Variants in ZCCHC7 observed in about 807,000 individuals in gnomAD.
ZCCHC7 encodes zinc finger CCHC-type containing 7, also known as zinc finger CCHC domain-containing protein 7.
In ZCCHC7, 35 loss-of-function variants were observed where a neutral mutation model predicts 52.0. That is an observed-to-expected ratio of 0.67 (90% CI 0.51 to 0.89). The LOEUF (loss-of-function observed/expected upper bound fraction) is 0.89, where lower values mean the gene tolerates loss of function less well. ZCCHC7 is among the 40% of genes least tolerant of loss of function. The pLI is 0.00. For missense variants in ZCCHC7, 574 were observed against 649.1 expected (o/e 0.88, Z 1.26); for synonymous variants, 217 against 221.5 (o/e 0.98, Z 0.18).
intron 1 of ZCCHC7, among the ~76,000 whole-genome samples, chr9:37,122,265 A>G (rs564379111): frequency 6.6e-5 from 10 of 152,380 alleles, no homozygotes; most frequent in African/African-American, 2.4e-4. Context: ...CTAGTTTAAA[A>G]CAATTCAGTC....
At chr9:37,128,544 A>G (rs913426218) in intron 2 of ZCCHC7, among the ~76,000 whole-genome samples, 3 of 152,192 alleles carry the variant, frequency 2.0e-5, no homozygotes, top group East Asian at 3.8e-4. Context: ...GAAAATGCAT[A>G]TTAGAAAGAA....
At chr9:37,232,846 TA>T (rs544457090) in intron 2 of ZCCHC7, among the ~76,000 whole-genome samples, 40 of 152,334 alleles carry the variant, frequency 2.6e-4, no homozygotes, top group African/African-American at 9.4e-4. Flanking sequence ...AGTGTAAATA[TA>T]TTTTTTTATA....
At chr9:37,353,232 A>C (rs1821500671) in intron 7 of ZCCHC7, among the ~76,000 whole-genome samples, 1 of 152,228 alleles carries the variant, frequency 6.6e-6, no homozygotes, top group African/African-American at 2.4e-5. Flanking sequence ...TGACTCAAGA[A>C]GAACAAATCA....
intron 2 of ZCCHC7, chr9:37,160,319 A>G (rs572044130): frequency 2.2e-4 from 34 of 152,340 alleles, no homozygotes; most frequent in African/African-American, 8.2e-4. Context: ...AGATCAGCCC[A>G]GGCAACATAG....
Position 37,357,372 on chromosome 9 carries a change from T to C in ZCCHC7, c.*104T>C. The C allele has an allele frequency of 8.5e-7, 1 of 1,180,536 alleles. No homozygotes were observed. The highest frequency in any genetic ancestry group is 1.1e-6 in the Non-Finnish European group (1 of 874,588). 73.1% of individuals were successfully genotyped at this position (1,180,536 alleles called of 1,614,324 possible). A position where few individuals can be genotyped will look rare whatever the true frequency, so the allele number is the denominator to read the frequency against. ...TATCTATGATTAAATAAAGTGAGTT[T>C]TTGGTTTTGTTTTTTTAATTTCAGC... On this transcript the variant is annotated 3_prime_UTR_variant, in exon 9 of 9. Coordinates refer to ENST00000336755, the MANE Select transcript of ZCCHC7 (RefSeq NM_032226.3).
At chr9:37,251,997 CAT>C (rs1418074331) in intron 2 of ZCCHC7, among the ~76,000 whole-genome samples, 1 of 152,062 alleles carries the variant, frequency 6.6e-6, no homozygotes, top group Non-Finnish European at 1.5e-5. Context: ...ATATATAAAA[CAT>C]AGACTTATTT....
chr9:37,165,969 T>C (rs1014242264), intron 2 of ZCCHC7, among the ~76,000 whole-genome samples: 2 of 152,248 alleles, frequency 1.3e-5, no homozygotes, highest in African/African-American at 4.8e-5. Context: ...ATTTTTTAAA[T>C]AGACATAGCT....
intron 2 of ZCCHC7, among the ~76,000 whole-genome samples, chr9:37,166,698 A>G (rs940611556): frequency 6.6e-5 from 10 of 152,178 alleles, no homozygotes; most frequent in African/African-American, 2.2e-4. Context: ...TCAATTTCCC[A>G]CTAAGTACTT....
chr9:37,209,242 G>A (rs996101139), intron 2 of ZCCHC7, among the ~76,000 whole-genome samples: 28 of 151,792 alleles, frequency 1.8e-4, no homozygotes, highest in Admixed American at 1.6e-3. Context: ...GGGTTTCACC[G>A]TGTTAGCCAG....
At chr9:37,146,106 A>T (rs1778361139) in intron 2 of ZCCHC7, among the ~76,000 whole-genome samples, 1 of 151,882 alleles carries the variant, frequency 6.6e-6, no homozygotes, top group Admixed American at 6.6e-5. Flanking sequence ...GAGTTGCTTC[A>T]TTTATCTCAG....
At chr9:37,194,180 C>A (rs190326154) in intron 2 of ZCCHC7, among the ~76,000 whole-genome samples, 1 of 152,188 alleles carries the variant, frequency 6.6e-6, no homozygotes, top group East Asian at 1.9e-4. Flanking sequence ...GGATAGTGGC[C>A]TTTAATATAT....
intron 6 of ZCCHC7, among the ~76,000 whole-genome samples, chr9:37,336,387 A>C (rs1830660661): frequency 6.6e-6 from 1 of 152,180 alleles, no homozygotes; most frequent in African/African-American, 2.4e-5. Context: ...TTGTAAAAGC[A>C]AAAGAACATT....
At chr9:37,215,684 C>T (rs1824465447) in intron 2 of ZCCHC7, among the ~76,000 whole-genome samples, 1 of 152,166 alleles carries the variant, frequency 6.6e-6, no homozygotes, top group South Asian at 2.1e-4. Flanking sequence ...TAATGTCTTG[C>T]TTCTTTATTT....
Position 37,129,353 on chromosome 9 carries a change from T to A in ZCCHC7, c.610+2411T>A, listed in dbSNP as rs188186698. On this transcript the variant is annotated intron_variant, in intron 2 of 8. Transcript: ENST00000336755. ...GCCAAATAGAATTAAATTCTGAATT[T>A]TTGGAAATTAATTTACTTGACTCTT... 4.1e-4 allele frequency among the ~76,000 whole-genome samples: 62 copies of A among 152,350 alleles called. No homozygotes were observed. The South Asian group carries it at 4.1e-3, about 10-fold the overall frequency.
chr9:37,280,882 C>T (rs1024298953), intron 2 of ZCCHC7, among the ~76,000 whole-genome samples: 2 of 151,458 alleles, frequency 1.3e-5, no homozygotes, highest in Non-Finnish European at 2.9e-5. Context: ...CTTTTTTTAT[C>T]CTCTTAATTT....
chr9:37,157,067 G>A (rs1210892539), intron 2 of ZCCHC7, among the ~76,000 whole-genome samples: 2 of 151,334 alleles, frequency 1.3e-5, no homozygotes, highest in Non-Finnish European at 2.9e-5. Context: ...TAATGTGGAA[G>A]CAAACACCAA....
At chr9:37,173,965 A>G (rs1204859443) in intron 2 of ZCCHC7, among the ~76,000 whole-genome samples, 1 of 152,174 alleles carries the variant, frequency 6.6e-6, no homozygotes, top group Non-Finnish European at 1.5e-5. Flanking sequence ...CTCTAAGCAT[A>G]GTTTCTTCAA....
intron 2 of ZCCHC7, among the ~76,000 whole-genome samples, chr9:37,278,761 G>A (rs1018371719): frequency 6.6e-6 from 1 of 152,160 alleles, no homozygotes; most frequent in South Asian, 2.1e-4. Context: ...GAGGCCAAAT[G>A]CAGTAGAACA....
At chr9:37,188,070 C>T (rs1352985542) in intron 2 of ZCCHC7, among the ~76,000 whole-genome samples, 2 of 152,236 alleles carry the variant, frequency 1.3e-5, no homozygotes, top group Middle Eastern at 3.4e-3. Flanking sequence ...ACTCTTCTTC[C>T]CTTCTGGAAC....
Sources: gnomAD v4.1 joint callset for allele counts (sites outside exome capture counted in the v4.1 genomes callset) on GRCh38, gnomAD v4.1.1 for gene constraint, MANE v1.5 for transcripts, NCBI Gene and HGNC (gene_info 2026-07-23, HGNC 2026-07-21) for gene names.